HLA-DMB: variants seen among roughly 807,000 people sequenced by gnomAD.
The protein encoded by HLA-DMB is major histocompatibility complex, class II, DM beta.
Under a neutral mutation model 29.3 loss-of-function variants are expected in HLA-DMB, and 18 were observed. The observed-to-expected ratio is 0.62, with a 90% confidence interval of 0.43 to 0.91. The LOEUF (loss-of-function observed/expected upper bound fraction) is 0.91. Among genes scored for constraint, HLA-DMB ranks in the 40% least tolerant of loss-of-function variants. The pLI is 0.00. For synonymous variants in HLA-DMB, 143 were observed against 128.7 expected (o/e 1.11, Z -0.75); for missense variants, 258 against 320.9 (o/e 0.80, Z 1.50).
intron 3 of HLA-DMB, chr6:32,935,958 C>T (rs536274948): frequency 7.1e-5 from 30 of 422,694 alleles, no homozygotes; most frequent in African/African-American, 5.0e-4. Flanking sequence ...CAAAGCCACC[C>T]TTATCAGGAT....
intron 3 of HLA-DMB, chr6:32,936,817 A>G: frequency 4.8e-6 from 1 of 206,726 alleles, no homozygotes; most frequent in Admixed American, 5.9e-5. Flanking sequence ...TGATTGCCAA[A>G]TTTACAGCCT....
intron 3 of HLA-DMB, chr6:32,936,769 G>A (rs895060212): frequency 6.2e-6 from 1 of 161,268 alleles, no homozygotes; most frequent in African/African-American, 2.4e-5. Flanking sequence ...ATCTAAGGAG[G>A]CTAGAATAGT....
In HLA-DMB at chr6:32,937,543, C is replaced by G. The variant is rs536612605; in HGVS notation, c.338-87G>C. 7.2e-7 allele frequency: 1 copy of G among 1,398,230 alleles called. No homozygotes were observed. The highest frequency in any genetic ancestry group is 2.3e-5 in the East Asian group (1 of 43,260). 86.6% of individuals were successfully genotyped at this position (1,398,230 alleles called of 1,614,324 possible). A position where few individuals can be genotyped will look rare whatever the true frequency, so the allele number is the denominator to read the frequency against. On this transcript the variant is annotated intron_variant, in intron 2 of 5. Transcript: ENST00000418107. The surrounding 1 kb of genome is among the most constrained non-coding windows in gnomAD (Gnocchi z 4.1). ...TGGTTTCTTCCCTATCGCAACTCTT[C>G]GTAGATTTTGCAACCCACTTTCCAC... is the stretch of plus-strand genomic sequence containing the variant.
At chr6:32,939,097 T>G in intron 1 of HLA-DMB, 132 bp from the exon 2 acceptor site, 1,276 of 406,168 alleles carry the variant, frequency 3.1e-3, no homozygotes, top group Non-Finnish European at 3.8e-3. Flanking sequence ...TTAGGAGCTC[T>G]GCACAGAGCT....
In HLA-DMB at chr6:32,934,748, A is replaced by T. The variant is rs1360051922; in HGVS notation, c.*223T>A. On this transcript the variant is annotated 3_prime_UTR_variant, in exon 6 of 6. Coordinates refer to ENST00000418107, the MANE Select transcript of HLA-DMB (RefSeq NM_002118.5). ...TTCCTCAGATTATATTCATCCCAGA[A>T]ATATAGCCTTGGACAATAATTTGGT... The T allele has an allele frequency of 1.7e-6, 1 of 594,094 alleles. No individual in the cohort carries two copies. The allele number at this position is 594,094 out of a possible 1,614,324, so 36.8% of individuals were successfully genotyped here. A position where few individuals can be genotyped will look rare whatever the true frequency, so the allele number is the denominator to read the frequency against.
At position 32,935,335 on chromosome 6, in the gene HLA-DMB, A is replaced by C. The variant is rs762730059; in HGVS notation, c.775+7T>G. On this transcript the variant is annotated splice_region_variant and intron_variant, in intron 5 of 5. Transcript: ENST00000418107. ...CAAGTAGGGAAACAGACCAACAGAGATGTTACCTTCTGAATAATTGGACCC... is the reference window on the plus strand; with the variant it reads ...CAAGTAGGGAAACAGACCAACAGAGCTGTTACCTTCTGAATAATTGGACCC... 3.7e-6 allele frequency: 6 copies of C among 1,609,558 alleles called. No individual in the cohort carries two copies. Among genetic ancestry groups the C allele is most frequent in the Non-Finnish European group, 5.1e-6 (6 of 1,176,768 alleles).
rs2127468986 is a variant in HLA-DMB at position 32,937,496 on chromosome 6, C to T, written c.338-40G>A. 6.4e-7 allele frequency: 1 copy of T among 1,571,586 alleles called. No individual in the cohort carries two copies. The highest frequency in any genetic ancestry group is 8.7e-7 in the Non-Finnish European group (1 of 1,152,994). The stretch of plus-strand genomic sequence containing the variant: ...AAAACATGTTTAGGAAGGAGGGTGA[C>T]ATTCTGGCTGCTTCCTCAACCTGGT... On this transcript the variant is annotated intron_variant, in intron 2 of 5. Coordinates refer to ENST00000418107, the MANE Select transcript of HLA-DMB (RefSeq NM_002118.5). This position sits in a 1 kb window ranked among gnomAD's most constrained non-coding sequence, Gnocchi z 4.1.
At position 32,938,970 on chromosome 6, in the gene HLA-DMB, A is replaced by G; in HGVS notation, c.56-5T>C. The G allele has an allele frequency of 6.6e-7, 1 of 1,514,876 alleles. No individual in the cohort carries two copies. 93.8% of individuals were successfully genotyped at this position (1,514,876 alleles called of 1,614,324 possible). A position where few individuals can be genotyped will look rare whatever the true frequency, so the allele number is the denominator to read the frequency against. On this transcript the variant is annotated splice_polypyrimidine_tract_variant and splice_region_variant and intron_variant, in intron 1 of 5. Coordinates refer to ENST00000418107, the MANE Select transcript of HLA-DMB (RefSeq NM_002118.5). The stretch of plus-strand genomic sequence containing the variant: ...CCACATGGGCCACGAAGCCACCTAG[A>G]GGAGCCAGGGAAGGGAGAACAGGTC...
At position 32,937,248 on chromosome 6, in the gene HLA-DMB, T is replaced by TA. The variant is rs1284454680; in HGVS notation, c.545dup (p.Leu182PhefsTer20). On this transcript the variant is annotated frameshift_variant, in exon 3 of 6. Transcript: ENST00000418107. LOFTEE classifies it high-confidence loss of function. The surrounding 1 kb of genome is among the most constrained non-coding windows in gnomAD (Gnocchi z 4.1). The stretch of plus-strand genomic sequence containing the variant: ...TGTAAGTGTCCCCGTAAGAGGGGGT[T>TA]AAGGCTAAATGGGAGAGGGTCTGGT... 6.2e-7 allele frequency: 1 copy of TA among 1,614,112 alleles called. No individual in the cohort carries two copies. Among genetic ancestry groups the TA allele is most frequent in the African/African-American group, 1.3e-5 (1 of 75,030 alleles).
intron 5 of HLA-DMB, 141 bp downstream of exon 5, chr6:32,935,201 C>A: frequency 1.2e-6 from 1 of 836,490 alleles, no homozygotes; most frequent in Non-Finnish European, 2.0e-6. Context: ...CTAGCAATGG[C>A]AGCTTAAATC....
rs9296066 is a variant in HLA-DMB at position 32,939,360 on chromosome 6, G to A, written c.56-395C>T. On this transcript the variant is annotated intron_variant, in intron 1 of 5. Transcript: ENST00000418107. ...ATGATGAAGCCTCCATAAAAATCCC[G>A]GAACTATGGAGTTCAGAGAACTTCT... Among the ~76,000 whole-genome samples the A allele has an allele frequency of 1.9e-3, 291 of 152,300 alleles. 2 individuals are homozygous for A. Among genetic ancestry groups the A allele is most frequent in the African/African-American group, 5.1e-3 (212 of 41,552 alleles).
At chr6:32,935,694 C>T (rs559886751) in intron 3 of HLA-DMB, 42 bp from the exon 4 acceptor site, 83 of 1,439,654 alleles carry the variant, frequency 5.8e-5, no homozygotes, top group Admixed American at 4.0e-4. Flanking sequence ...TTCTGTTGCT[C>T]ACCCCCAGGG....
chr6:32,938,623 T>G (rs762412768), intron 2 of HLA-DMB, 61 bp downstream of exon 2: 1 of 1,428,534 alleles, frequency 7.0e-7, no homozygotes, highest in Non-Finnish European at 9.3e-7. Flanking sequence ...TGTGGGATCC[T>G]CCCTGGCCTG....
chr6:32,939,591 T>A (rs6920593), intron 1 of HLA-DMB, among the ~76,000 whole-genome samples: 3,365 of 152,302 alleles, frequency 0.022, 54 homozygotes, highest in South Asian at 0.038. Flanking sequence ...ACAATAATAC[T>A]TTATATCATT....
intron 3 of HLA-DMB, chr6:32,936,059 T>C: frequency 5.0e-6 from 1 of 198,732 alleles, no homozygotes; most frequent in Non-Finnish European, 1.0e-5. Context: ...TATTACACTG[T>C]CTTACCACAT....
Position 32,937,214 on chromosome 6 carries a change from C to T in HLA-DMB, c.580G>A (p.Val194Ile), listed in dbSNP as rs1416467052. The T allele has an allele frequency of 6.8e-6, 11 of 1,611,142 alleles. No homozygotes were observed. The highest frequency in any genetic ancestry group is 1.3e-5 in the African/African-American group (1 of 74,978). Residue 194 changes from valine (V) to isoleucine (I), a missense_variant, in exon 3 of 6, where the codon GTA (valine) becomes ATA (isoleucine). Coordinates refer to ENST00000418107, the MANE Select transcript of HLA-DMB (RefSeq NM_002118.5). The surrounding 1 kb of genome is among the most constrained non-coding windows in gnomAD (Gnocchi z 4.1). ...GGCTCAGGAGCCCCAGTGTGCTCTA[C>T]CACACAGGTGTAAGTGTCCCCGTAA... The part of the protein sequence containing the change: ...PSYGDTYTCV[V>I]EHTGAPEPIL...
chr6:32,940,762 T>C lies in HLA-DMB; in HGVS notation c.46A>G (p.Thr16Ala), dbSNP rs965028833. 6.2e-7 allele frequency: 1 copy of C among 1,605,902 alleles called. No homozygotes were observed. Among genetic ancestry groups the C allele is most frequent in the East Asian group, 2.2e-5 (1 of 44,518 alleles). ...GAAGAAGTGTCCTTACCTGCTCCTGTGCAGCCCAGGCTGAGCCCCAGCAGC... is the reference window on the plus strand; with the variant it reads ...GAAGAAGTGTCCTTACCTGCTCCTGCGCAGCCCAGGCTGAGCCCCAGCAGC... ...PLLLGLSLGCTGAGGFVAHVE... is the reference protein window; with the variant it reads ...PLLLGLSLGCAGAGGFVAHVE... Residue 16 changes from threonine to alanine, a missense_variant, in exon 1 of 6, where the codon ACA (threonine) becomes GCA (alanine). Transcript: ENST00000418107.
intron 1 of HLA-DMB, 81 bp downstream of exon 1, chr6:32,940,672 C>T: frequency 9.4e-7 from 1 of 1,060,426 alleles, no homozygotes; most frequent in Non-Finnish European, 1.4e-6. Flanking sequence ...TCTGGGGTGT[C>T]AAATGCAATT....
Position 32,937,350 on chromosome 6 carries a change from C to G in HLA-DMB, c.444G>C (p.Thr148=), listed in dbSNP as rs145745508. ...TGACAAGCTTCCCGTTCTTCCTCCA[C>G]GTGATAGTCACTTCTGCTGGATAGA... ...WGFYPAEVTI[T]WRKNGKLVMP... The change falls in exon 3 of 6, where the codon ACG becomes ACC. Residue 148 remains threonine (T), a synonymous_variant. Transcript: ENST00000418107. This position sits in a 1 kb window ranked among gnomAD's most constrained non-coding sequence, Gnocchi z 4.1. 1.2e-6 allele frequency: 2 copies of G among 1,614,090 alleles called. No individual in the cohort carries two copies. The highest frequency in any genetic ancestry group is 1.3e-5 in the African/African-American group (1 of 74,914).
Sources: gnomAD v4.1 joint callset for allele counts (sites outside exome capture counted in the v4.1 genomes callset) on GRCh38, gnomAD v4.1.1 for gene constraint, Gnocchi (gnomAD v3.1) non-coding constraint, MANE v1.5 for transcripts, NCBI Gene and HGNC (gene_info 2026-07-23, HGNC 2026-07-21) for gene names.